ADAMTSL1: variants seen among roughly 807,000 people sequenced by gnomAD.
ADAMTSL1 encodes ADAMTS like 1.
In ADAMTSL1, 126 loss-of-function variants were observed where a neutral mutation model predicts 201.8. The observed-to-expected ratio is 0.62, with a 90% CI of 0.54 to 0.72. The LOEUF (loss-of-function observed/expected upper bound fraction) is 0.72. Among genes scored for constraint, ADAMTSL1 ranks in the 30% least tolerant of loss-of-function variants. The pLI is 0.00. For missense variants in ADAMTSL1, 2,679 were observed against 2,277.8 expected, an observed-to-expected ratio of 1.18 and a Z score of -3.59; for synonymous variants, 1,121 against 903.4, an observed-to-expected ratio of 1.24 and a Z score of -4.32.
intron 2 of ADAMTSL1, among the ~76,000 whole-genome samples, chr9:18,167,500 A>C (rs547683860): frequency 2.0e-5 from 3 of 151,924 alleles, no homozygotes; most frequent in African/African-American, 7.2e-5. Flanking sequence ...TTTTAGGGCA[A>C]GTCATTAATT....
chr9:18,459,371 G>C (rs771506276), intron 2 of ADAMTSL1, among the ~76,000 whole-genome samples: 2 of 152,048 alleles, frequency 1.3e-5, no homozygotes, highest in Admixed American at 1.3e-4. Flanking sequence ...TACCACTCTC[G>C]ATCCTAGTTT....
chr9:18,887,506 A>T (rs186417774), intron 23 of ADAMTSL1, among the ~76,000 whole-genome samples: 27 of 152,350 alleles, frequency 1.8e-4, no homozygotes, highest in Admixed American at 1.1e-3. Context: ...CACTATAAGA[A>T]CTACTTACCT....
intron 23 of ADAMTSL1, among the ~76,000 whole-genome samples, chr9:18,831,751 TG>T (rs1824991921): frequency 6.6e-6 from 1 of 152,188 alleles, no homozygotes; most frequent in African/African-American, 2.4e-5. Context: ...AGTCCCTGAA[TG>T]TAACTGCCTG....
chr9:18,258,746 C>T (rs116054322), intron 2 of ADAMTSL1, among the ~76,000 whole-genome samples: 1 of 152,300 alleles, frequency 6.6e-6, no homozygotes, highest in African/African-American at 2.4e-5. Context: ...ACAAAGCCTG[C>T]AAATTCTGCC....
intron 1 of ADAMTSL1, among the ~76,000 whole-genome samples, chr9:18,085,628 CTGTG>C (rs377121145): frequency 4.1e-5 from 6 of 146,798 alleles, no homozygotes; most frequent in Non-Finnish European, 9.0e-5. Flanking sequence ...CGTATATACA[CTGTG>C]TGTGTATATA....
At chr9:18,420,320 C>G (rs1407063493) in intron 2 of ADAMTSL1, among the ~76,000 whole-genome samples, 1 of 152,092 alleles carries the variant, frequency 6.6e-6, no homozygotes, top group East Asian at 1.9e-4. Flanking sequence ...CTAGAATGGT[C>G]TACTGATTAT....
chr9:18,617,096 A>G (rs1825741331), intron 4 of ADAMTSL1, among the ~76,000 whole-genome samples: 2 of 152,180 alleles, frequency 1.3e-5, no homozygotes, highest in African/African-American at 2.4e-5. Flanking sequence ...TTCTTACCTC[A>G]TGATGTTGGA....
At chr9:18,192,583 G>T (rs1439914492) in intron 2 of ADAMTSL1, among the ~76,000 whole-genome samples, 5 of 152,096 alleles carry the variant, frequency 3.3e-5, no homozygotes, top group Middle Eastern at 3.2e-3. Context: ...GTATTCTCCA[G>T]TGTTTTTCCA....
chr9:17,986,153 T>C (rs1354667192), intron 1 of ADAMTSL1, among the ~76,000 whole-genome samples: 1 of 152,098 alleles, frequency 6.6e-6, no homozygotes, highest in East Asian at 1.9e-4. Context: ...TCTGAGTTCA[T>C]AAGTACAGAA....
At chr9:18,893,931 C>A (rs886166511) in intron 26 of ADAMTSL1, among the ~76,000 whole-genome samples, 1 of 152,212 alleles carries the variant, frequency 6.6e-6, no homozygotes, top group African/African-American at 2.4e-5. Context: ...TCAGCTTTCT[C>A]CTTTTAATCC....
At chr9:18,018,235 G>A (rs1444490682) in intron 1 of ADAMTSL1, among the ~76,000 whole-genome samples, 3 of 152,046 alleles carry the variant, frequency 2.0e-5, no homozygotes, top group African/African-American at 7.2e-5. Flanking sequence ...ATATTAATAA[G>A]AGCCCACTTA....
At chr9:18,042,768 G>C (rs373320825) in intron 1 of ADAMTSL1, among the ~76,000 whole-genome samples, 1 of 152,120 alleles carries the variant, frequency 6.6e-6, no homozygotes, top group East Asian at 1.9e-4. Context: ...TGTAGTCTAA[G>C]AAGTGCCAAG....
intron 14 of ADAMTSL1, chr9:18,718,144 C>G: frequency 1.1e-6 from 1 of 873,972 alleles, no homozygotes; most frequent in Non-Finnish European, 2.0e-6. Flanking sequence ...TGACCTTCTT[C>G]CTTCCCTACA....
At chr9:18,510,961 T>C (rs1343344349) in intron 2 of ADAMTSL1, among the ~76,000 whole-genome samples, 1 of 152,190 alleles carries the variant, frequency 6.6e-6, no homozygotes, top group African/African-American at 2.4e-5. Flanking sequence ...GATCTATCTT[T>C]CAGAGCTCTA....
intron 2 of ADAMTSL1, among the ~76,000 whole-genome samples, chr9:18,176,952 A>G (rs1326163628): frequency 6.6e-6 from 1 of 152,234 alleles, no homozygotes; most frequent in Non-Finnish European, 1.5e-5. Flanking sequence ...AGCAGGTTCA[A>G]AGGAGTTGAT....
chr9:18,298,837 C>A (rs1332613824), intron 2 of ADAMTSL1, among the ~76,000 whole-genome samples: 2 of 151,820 alleles, frequency 1.3e-5, no homozygotes, highest in Non-Finnish European at 2.9e-5. Flanking sequence ...CGGTGAAACC[C>A]CGTCTCTATT....
intron 1 of ADAMTSL1, among the ~76,000 whole-genome samples, chr9:17,939,453 T>C (rs1225536036): frequency 2.6e-5 from 4 of 152,122 alleles, no homozygotes; most frequent in African/African-American, 4.8e-5. Context: ...ACTGACATTT[T>C]CACCTCATTA....
intron 2 of ADAMTSL1, among the ~76,000 whole-genome samples, chr9:18,325,802 G>T (rs534249575): frequency 6.6e-6 from 1 of 151,082 alleles, no homozygotes; most frequent in Non-Finnish European, 1.5e-5. Flanking sequence ...ATGAAGTGAT[G>T]CAATCTCTGC....
At chr9:18,709,568 T>G (rs1307463910) in intron 14 of ADAMTSL1, among the ~76,000 whole-genome samples, 1 of 152,204 alleles carries the variant, frequency 6.6e-6, no homozygotes, top group East Asian at 1.9e-4. Context: ...TGGCTGTGTT[T>G]CCCTGAGCTG....
Sources: allele counts gnomAD v4.1 joint callset (sites outside exome capture counted in the v4.1 genomes callset), GRCh38; gene constraint gnomAD v4.1.1; transcripts MANE v1.5; gene names NCBI Gene and HGNC (gene_info 2026-07-23, HGNC 2026-07-21).